MPP7: variants seen among roughly 807,000 people sequenced by gnomAD.
MPP7 encodes MAGUK p55 subfamily member 7.
In MPP7, 60 loss-of-function variants were observed where a neutral mutation model predicts 76.5. That is an observed-to-expected ratio of 0.78 (90% CI 0.64 to 0.97). MPP7 has a LOEUF of 0.97. Among genes scored for constraint, MPP7 ranks in the 50% least tolerant of loss-of-function variants. The pLI is 0.00. For synonymous variants in MPP7, 237 were observed against 244.5 expected (o/e 0.97, Z 0.29); for missense variants, 641 against 694.0 (o/e 0.92, Z 0.86).
intron 7 of MPP7, among the ~76,000 whole-genome samples, 185 bp downstream of exon 7, chr10:28,124,825 C>T (rs954034989): frequency 6.6e-6 from 1 of 152,026 alleles, no homozygotes; most frequent in African/African-American, 2.4e-5. Context: ...TACAAGAAGA[C>T]CATAGAGTAA....
chr10:28,246,532 T>C, intron 1 of MPP7, among the ~76,000 whole-genome samples: 1 of 152,158 alleles, frequency 6.6e-6, no homozygotes, highest in Non-Finnish European at 1.5e-5. Context: ...GCTGAATATA[T>C]GAACAAATAT....
intron 1 of MPP7, among the ~76,000 whole-genome samples, chr10:28,291,911 G>A (rs1036522266): frequency 2.0e-5 from 3 of 152,104 alleles, no homozygotes; most frequent in Admixed American, 1.3e-4. Context: ...TGCTTATAAC[G>A]TCTACAGTAG....
intron 11 of MPP7, among the ~76,000 whole-genome samples, chr10:28,102,629 C>CA (rs1853878474): frequency 6.6e-6 from 1 of 152,220 alleles, no homozygotes; most frequent in Non-Finnish European, 1.5e-5. Context: ...TACTCCTCTG[C>CA]AGTCTTTCCC....
At chr10:28,083,682 C>T (rs183003046) in intron 12 of MPP7, among the ~76,000 whole-genome samples, 119 of 151,852 alleles carry the variant, frequency 7.8e-4, no homozygotes, top group East Asian at 5.8e-3. Context: ...GGATTACAGG[C>T]GCCCGACACC....
intron 2 of MPP7, among the ~76,000 whole-genome samples, chr10:28,236,296 A>G (rs1227333192): frequency 6.6e-6 from 1 of 152,202 alleles, no homozygotes; most frequent in Non-Finnish European, 1.5e-5. Context: ...AAAAGTATAC[A>G]TTAGTTTAAA....
At chr10:28,140,301 A>G (rs1835473723) in intron 5 of MPP7, among the ~76,000 whole-genome samples, 1 of 152,226 alleles carries the variant, frequency 6.6e-6, no homozygotes, top group Non-Finnish European at 1.5e-5. Context: ...ACCAGACGTC[A>G]GAAGTTCGAC....
At chr10:28,142,405 C>T (rs954706967) in intron 5 of MPP7, among the ~76,000 whole-genome samples, 1 of 152,124 alleles carries the variant, frequency 6.6e-6, no homozygotes, top group African/African-American at 2.4e-5. Context: ...GGCTTATATT[C>T]TAGTGGTACT....
At chr10:28,223,205 C>A (rs1337428641) in intron 2 of MPP7, among the ~76,000 whole-genome samples, 2 of 152,090 alleles carry the variant, frequency 1.3e-5, no homozygotes, top group Non-Finnish European at 2.9e-5. Flanking sequence ...AATATGCTCT[C>A]TTAAATTTAA....
chr10:28,263,454 G>A (rs61845918), intron 1 of MPP7, among the ~76,000 whole-genome samples: 1,582 of 152,310 alleles, frequency 0.01, 18 homozygotes, highest in Non-Finnish European at 0.018. Flanking sequence ...CCCCGACCTT[G>A]ATCCACCACT....
intron 1 of MPP7, among the ~76,000 whole-genome samples, chr10:28,291,090 G>A (rs1307768319): frequency 6.6e-6 from 1 of 152,128 alleles, no homozygotes; most frequent in East Asian, 1.9e-4. Flanking sequence ...GATGTTTCTA[G>A]TATTTCAGGA....
chr10:28,076,731 T>C (rs1852502220), intron 12 of MPP7, among the ~76,000 whole-genome samples: 1 of 151,808 alleles, frequency 6.6e-6, no homozygotes. Context: ...CTACTAAAAA[T>C]ACAAAAATTA....
intron 5 of MPP7, among the ~76,000 whole-genome samples, chr10:28,138,395 AG>A (rs1336259851): frequency 1.3e-5 from 2 of 152,244 alleles, no homozygotes; most frequent in Non-Finnish European, 2.9e-5. Context: ...TCATCACTGC[AG>A]GAAGTATTCA....
intron 6 of MPP7, among the ~76,000 whole-genome samples, chr10:28,129,587 CAAA>C (rs34101738): frequency 9.2e-6 from 1 of 109,158 alleles, no homozygotes. Flanking sequence ...GACTCCGTCT[CAAA>C]AAAAAAAAAA....
chr10:28,202,304 C>T (rs746236916), intron 2 of MPP7, 33 bp from the exon 3 acceptor site: 1 of 1,462,866 alleles, frequency 6.8e-7, no homozygotes, highest in Non-Finnish European at 9.5e-7. Context: ...AAAGTGTAAT[C>T]TTAGAGTGAT....
At chr10:28,262,231 A>T (rs1212676824) in intron 1 of MPP7, among the ~76,000 whole-genome samples, 5 of 75,104 alleles carry the variant, frequency 6.7e-5, no homozygotes, top group African/African-American at 7.2e-5. Context: ...ATATACATAT[A>T]TATATATATA....
intron 5 of MPP7, among the ~76,000 whole-genome samples, chr10:28,144,571 T>C (rs1033500154): frequency 6.6e-6 from 1 of 152,170 alleles, no homozygotes; most frequent in African/African-American, 2.4e-5. Flanking sequence ...CTTAAAGTTT[T>C]CCTTTATGGG....
At chr10:28,223,237 T>C (rs1351375490) in intron 2 of MPP7, among the ~76,000 whole-genome samples, 1 of 152,182 alleles carries the variant, frequency 6.6e-6, no homozygotes, top group African/African-American at 2.4e-5. Flanking sequence ...TATAGCATTT[T>C]CTCCTGAGCA....
Position 28,150,081 on chromosome 10 carries a change from A to G in MPP7, c.157-22T>C, listed in dbSNP as rs764948268. ...GAATCTGGAAGAAAATCAAATGCAT[A>G]TAAGTTCACCTGCTAGCAAACAATC... On this transcript the variant is annotated intron_variant, in intron 3 of 16. Transcript: ENST00000683449. 2.5e-6 allele frequency: 4 copies of G among 1,572,142 alleles called. No homozygotes were observed. The African/African-American group carries it at 5.4e-5, about 21-fold the overall frequency.
intron 2 of MPP7, among the ~76,000 whole-genome samples, chr10:28,217,982 A>G (rs1304833642): frequency 6.6e-6 from 1 of 152,228 alleles, no homozygotes; most frequent in Non-Finnish European, 1.5e-5. Flanking sequence ...GTGAGCTCTG[A>G]TTTACTAACA....
Sources: allele counts gnomAD v4.1 joint callset (sites outside exome capture counted in the v4.1 genomes callset), GRCh38; gene constraint gnomAD v4.1.1; transcripts MANE v1.5; gene names NCBI Gene and HGNC (gene_info 2026-07-23, HGNC 2026-07-21).